Variants in NRXN1 observed in about 807,000 individuals in gnomAD.
NRXN1 encodes neurexin 1.
NRXN1 carries 39 observed loss-of-function variants against 150.9 expected under a neutral mutation model. The ratio of observed to expected loss-of-function variants is 0.26; its 90% CI spans 0.20 to 0.34. The LOEUF is 0.34. Ranked by LOEUF, NRXN1 falls within the 10% of genes least tolerant of loss-of-function variation. NRXN1 has a pLI of 1.00. For synonymous variants in NRXN1, 924 were observed against 757.0 expected (o/e 1.22, Z -3.62); for missense variants, 1,815 against 1,949.9 (o/e 0.93, Z 1.30).
intron 5 of NRXN1, among the ~76,000 whole-genome samples, chr2:50,642,893 T>C (rs1468992567): frequency 6.6e-6 from 1 of 151,950 alleles, no homozygotes; most frequent in African/African-American, 2.4e-5. Flanking sequence ...AAAGGGTTTG[T>C]TTTACACTAC....
At chr2:50,607,878 T>G (rs954206594) in intron 8 of NRXN1, among the ~76,000 whole-genome samples, 3 of 152,104 alleles carry the variant, frequency 2.0e-5, no homozygotes, top group African/African-American at 7.2e-5. Context: ...TCAACGCACA[T>G]CATTCCAAGA....
chr2:50,154,114 G>C (rs1338274854), intron 18 of NRXN1, among the ~76,000 whole-genome samples: 1 of 151,636 alleles, frequency 6.6e-6, no homozygotes, highest in Admixed American at 6.6e-5. Context: ...TGCAATTATT[G>C]TCTATATAAA....
At chr2:50,285,497 G>A (rs2072025430) in intron 17 of NRXN1, among the ~76,000 whole-genome samples, 2 of 152,148 alleles carry the variant, frequency 1.3e-5, no homozygotes, top group African/African-American at 4.8e-5. Context: ...TGGAATGTGG[G>A]AGGAGATTGG....
At chr2:50,605,593 T>C (rs139877581) in intron 8 of NRXN1, among the ~76,000 whole-genome samples, 1 of 152,274 alleles carries the variant, frequency 6.6e-6, no homozygotes, top group African/African-American at 2.4e-5. Context: ...TATCACCTCA[T>C]GCCTGTTAGG....
rs538016251 is a variant in NRXN1 at position 50,943,362 on chromosome 2, G to A, written c.773-17407C>T. Among the ~76,000 whole-genome samples the A allele has an allele frequency of 7.9e-5, 12 of 152,236 alleles. No homozygotes were observed. In the South Asian group the frequency reaches 2.5e-3, roughly 32 times the overall value. On this transcript the variant is annotated intron_variant, in intron 2 of 22. Coordinates refer to ENST00000401669, the MANE Select transcript of NRXN1 (RefSeq NM_001330078.2). Reference sequence around the variant, plus strand: ...ACTGGCAAAAACTGCAATTACTTTTGCACCAACCTAATATAATCATATTTT... The same window carrying A: ...ACTGGCAAAAACTGCAATTACTTTTACACCAACCTAATATAATCATATTTT...
chr2:50,956,915 C>A (rs931560978), intron 2 of NRXN1, among the ~76,000 whole-genome samples: 7 of 152,022 alleles, frequency 4.6e-5, no homozygotes, highest in South Asian at 2.1e-4. Context: ...AAGATCAGGT[C>A]TTTTCCCCAG....
intron 17 of NRXN1, among the ~76,000 whole-genome samples, chr2:50,238,648 C>G (rs1025462781): frequency 6.6e-6 from 1 of 152,010 alleles, no homozygotes; most frequent in East Asian, 1.9e-4. Flanking sequence ...AGTTGACCTA[C>G]TATCACATTT....
chr2:50,239,661 A>AGT, intron 17 of NRXN1, among the ~76,000 whole-genome samples: 1 of 56,706 alleles, frequency 1.8e-5, no homozygotes, highest in African/African-American at 6.4e-5. Context: ...TACCTATTCC[A>AGT]GTATATATAT....
chr2:50,086,335 T>C (rs535452712), intron 19 of NRXN1, among the ~76,000 whole-genome samples: 1 of 152,300 alleles, frequency 6.6e-6, no homozygotes, highest in South Asian at 2.1e-4. Context: ...GGTAATAATA[T>C]GACTTCCTGA....
chr2:50,161,439 G>T (rs1281667798), intron 18 of NRXN1, among the ~76,000 whole-genome samples: 1 of 141,806 alleles, frequency 7.1e-6, no homozygotes, highest in Non-Finnish European at 1.6e-5. Flanking sequence ...TCAAGACATG[G>T]GTTAAAAATG....
At chr2:50,255,468 T>C (rs2067606890) in intron 17 of NRXN1, among the ~76,000 whole-genome samples, 1 of 152,186 alleles carries the variant, frequency 6.6e-6, no homozygotes, top group Non-Finnish European at 1.5e-5. Flanking sequence ...TTTTCTTTTG[T>C]ATTTGGTTCA....
At chr2:50,269,205 G>T (rs912084991) in intron 17 of NRXN1, among the ~76,000 whole-genome samples, 1 of 152,162 alleles carries the variant, frequency 6.6e-6, no homozygotes, top group Non-Finnish European at 1.5e-5. Flanking sequence ...AATGAATAAA[G>T]AAGTACCAGA....
At chr2:50,087,280 T>A (rs527585172) in intron 19 of NRXN1, among the ~76,000 whole-genome samples, 1 of 152,196 alleles carries the variant, frequency 6.6e-6, no homozygotes. Context: ...TACTTTTATG[T>A]AGTATATATC....
chr2:51,027,893 C>T lies in NRXN1; in HGVS notation c.381G>A (p.Thr127=), dbSNP rs769257742. 3.1e-6 allele frequency: 5 copies of T among 1,611,022 alleles called. No individual in the cohort carries two copies. The highest frequency in any genetic ancestry group is 1.3e-5 in the African/African-American group (1 of 74,924). ...TGGCCTCCACCTGGTCGATGAAGAG[C>T]GTGGTGTTGCGGAACTGGCGGCGGA... ...VRIRRQFRNT[T]LFIDQVEAKW... is the part of the protein sequence containing the mutation. The change falls in exon 2 of 23, where the codon ACG becomes ACA. Residue 127 remains threonine, a synonymous_variant. Transcript: ENST00000401669.
At chr2:50,932,750 C>T (rs1182671695) in intron 2 of NRXN1, among the ~76,000 whole-genome samples, 3 of 151,994 alleles carry the variant, frequency 2.0e-5, no homozygotes, top group African/African-American at 7.2e-5. Flanking sequence ...AAATAATGTG[C>T]TAGAAAAACA....
intron 12 of NRXN1, chr2:50,526,935 A>G (rs1217708510): frequency 8.5e-5 from 13 of 152,204 alleles, no homozygotes; most frequent in Non-Finnish European, 1.9e-4. Context: ...GTCTCATGAT[A>G]TAAGCCAAAT....
intron 17 of NRXN1, among the ~76,000 whole-genome samples, chr2:50,315,868 G>C (rs937643344): frequency 2.0e-5 from 3 of 152,058 alleles, no homozygotes; most frequent in African/African-American, 7.2e-5. Context: ...AAAATTACTG[G>C]TGACAGTTTC....
intron 17 of NRXN1, among the ~76,000 whole-genome samples, chr2:50,242,613 A>T (rs1408276060): frequency 6.6e-6 from 1 of 151,784 alleles, no homozygotes; most frequent in Middle Eastern, 3.2e-3. Context: ...ATATGTAACC[A>T]CTTCTAGATT....
chr2:50,378,501 ATTAGGTGG>A (rs2080696583), intron 17 of NRXN1, among the ~76,000 whole-genome samples: 1 of 152,118 alleles, frequency 6.6e-6, no homozygotes, highest in Non-Finnish European at 1.5e-5. Context: ...TACCCTCGTG[ATTAGGTGG>A]TTTACTGGGA....
Sources: gnomAD v4.1 joint callset for allele counts (sites outside exome capture counted in the v4.1 genomes callset) on GRCh38, gnomAD v4.1.1 for gene constraint, MANE v1.5 for transcripts, NCBI Gene and HGNC (gene_info 2026-07-23, HGNC 2026-07-21) for gene names.